Variants in SSBP2 observed in about 807,000 individuals in gnomAD.
SSBP2 encodes single stranded DNA binding protein 2.
A neutral mutation model predicts 61.8 loss-of-function variants in SSBP2; 17 were observed. That is an observed-to-expected ratio of 0.28 (90% CI 0.19 to 0.41). The LOEUF (loss-of-function observed/expected upper bound fraction) is 0.41. SSBP2 is among the 10% of genes least tolerant of loss of function. SSBP2 has a pLI of 1.00. For synonymous variants in SSBP2, 139 were observed against 141.3 expected (o/e 0.98, Z 0.12); for missense variants, 310 against 458.7 (o/e 0.68, Z 2.96).
intron 1 of SSBP2, among the ~76,000 whole-genome samples, chr5:81,691,273 A>G (rs1039843761): frequency 2.6e-5 from 4 of 152,122 alleles, no homozygotes; most frequent in African/African-American, 9.7e-5. Context: ...TCAATGAAAA[A>G]GTTGTTTTTT....
chr5:81,519,384 G>T (rs769639942), intron 4 of SSBP2, among the ~76,000 whole-genome samples: 7 of 151,868 alleles, frequency 4.6e-5, no homozygotes, highest in Admixed American at 3.3e-4. Context: ...ATTTATAAAG[G>T]TCCACTGTAG....
chr5:81,623,917 T>C (rs1746882647), intron 3 of SSBP2, among the ~76,000 whole-genome samples: 1 of 152,184 alleles, frequency 6.6e-6, no homozygotes, highest in Admixed American at 6.5e-5. Context: ...AGGTGGTGTT[T>C]CTGAGAATCC....
chr5:81,510,654 A>G (rs1768530369), intron 5 of SSBP2, among the ~76,000 whole-genome samples: 1 of 151,914 alleles, frequency 6.6e-6, no homozygotes, highest in Non-Finnish European at 1.5e-5. Context: ...CCAGCTACTC[A>G]GGAGGCTGTG....
intron 4 of SSBP2, among the ~76,000 whole-genome samples, chr5:81,518,249 G>A (rs1561493300): frequency 1.3e-5 from 2 of 152,132 alleles, no homozygotes; most frequent in Non-Finnish European, 2.9e-5. Context: ...GGAAGAGGCT[G>A]AGCAGGGGAT....
chr5:81,620,406 A>G (rs1202118222), intron 3 of SSBP2, among the ~76,000 whole-genome samples: 1 of 151,584 alleles, frequency 6.6e-6, no homozygotes, highest in East Asian at 1.9e-4. Flanking sequence ...AGGGATGTGA[A>G]GGACCTCTTC....
chr5:81,492,854 T>A (rs896886420), intron 5 of SSBP2, among the ~76,000 whole-genome samples: 12 of 152,300 alleles, frequency 7.9e-5, no homozygotes, highest in Middle Eastern at 3.4e-3. Context: ...AAGTCCCTTT[T>A]AAAATAAGGA....
At chr5:81,508,987 A>G (rs1042733409) in intron 5 of SSBP2, among the ~76,000 whole-genome samples, 7 of 152,226 alleles carry the variant, frequency 4.6e-5, no homozygotes, top group African/African-American at 1.4e-4. Context: ...TACTAAGAAT[A>G]TAAGTTTAAA....
chr5:81,709,568 C>G (rs1754631649), intron 1 of SSBP2, among the ~76,000 whole-genome samples: 1 of 151,430 alleles, frequency 6.6e-6, no homozygotes, highest in African/African-American at 2.4e-5. Context: ...AAAGTGTGAC[C>G]AAGAAGGAAA....
chr5:81,746,238 A>G (rs1030005260), intron 1 of SSBP2, among the ~76,000 whole-genome samples: 5 of 152,146 alleles, frequency 3.3e-5, no homozygotes, highest in Non-Finnish European at 7.4e-5. Flanking sequence ...TACTTCTGAA[A>G]TAACAGAAAA....
At chr5:81,445,178 G>A (rs6452408) in intron 12 of SSBP2, among the ~76,000 whole-genome samples, 49,541 of 58,676 alleles carry the variant, frequency 0.84, 20,693 homozygotes, top group Middle Eastern at 0.93. Flanking sequence ...ATATATATAT[G>A]TATGTATTTA....
Position 81,467,084 on chromosome 5 carries a change from AC to A in SSBP2, c.571-44del, listed in dbSNP as rs747161415. The A allele has an allele frequency of 6.4e-7, 1 of 1,562,786 alleles. No homozygotes were observed. The highest frequency in any genetic ancestry group is 1.2e-5 in the South Asian group (1 of 86,902). On this transcript the variant is annotated intron_variant, in intron 8 of 16. Coordinates refer to ENST00000320672, the MANE Select transcript of SSBP2 (RefSeq NM_012446.5). ...GGTCAGACTACCACAAAACAAAAAA[AC>A]AAAACCAAAGAGGAGGGGGGAAAGA...
At chr5:81,558,188 T>C (rs1256455740) in intron 4 of SSBP2, among the ~76,000 whole-genome samples, 1 of 152,240 alleles carries the variant, frequency 6.6e-6, no homozygotes, top group Non-Finnish European at 1.5e-5. Context: ...TCATACTTCA[T>C]TGAAATCACT....
At chr5:81,587,528 G>C (rs552316165) in intron 4 of SSBP2, among the ~76,000 whole-genome samples, 4 of 152,074 alleles carry the variant, frequency 2.6e-5, no homozygotes, top group African/African-American at 9.7e-5. Flanking sequence ...CCAGGAATTC[G>C]AGACCAACCT....
Position 81,540,119 on chromosome 5 carries a change from C to T in SSBP2, c.283-26402G>A, listed in dbSNP as rs569535241. On this transcript the variant is annotated intron_variant, in intron 4 of 16. Coordinates refer to ENST00000320672, the MANE Select transcript of SSBP2 (RefSeq NM_012446.5). ...AGTATTCCATGGTGTATATGTGCCA[C>T]ATTTTCTTTATCCAGTCTATCATTG... Among the ~76,000 whole-genome samples, 5 of 152,218 alleles carry T rather than the reference C, an allele frequency of 3.3e-5. No individual in the cohort carries two copies. The South Asian group carries it at 1.0e-3, about 32-fold the overall frequency.
At chr5:81,515,364 T>C (rs539484796) in intron 4 of SSBP2, among the ~76,000 whole-genome samples, 1 of 152,040 alleles carries the variant, frequency 6.6e-6, no homozygotes, top group South Asian at 2.1e-4. Flanking sequence ...GAAAATTGTA[T>C]AACAACAAAA....
At chr5:81,626,261 A>G (rs1016133859) in intron 3 of SSBP2, among the ~76,000 whole-genome samples, 7 of 152,238 alleles carry the variant, frequency 4.6e-5, no homozygotes, top group Admixed American at 3.3e-4. Context: ...ATCAATTTCT[A>G]TTTTAAAATA....
rs184183281 is a variant in SSBP2, at chr5:81,681,645, A to C, written c.63-31306T>G. 4.6e-5 allele frequency among the ~76,000 whole-genome samples: 7 copies of C among 152,200 alleles called. No individual in the cohort carries two copies. The East Asian group carries it at 1.3e-3, about 29-fold the overall frequency. ...AAAATAAGAAACTTTTTAAATCAAT[A>C]ATCTTAGCTTTCACCTTAGGAAACT... On this transcript the variant is annotated intron_variant, in intron 1 of 16. Transcript: ENST00000320672.
Position 81,650,273 on chromosome 5 carries a change from T to C in SSBP2, c.129A>G (p.Leu43=). The C allele has an allele frequency of 6.3e-7, 1 of 1,582,242 alleles. No individual in the cohort carries two copies. Among genetic ancestry groups the C allele is most frequent in the Non-Finnish European group, 8.6e-7 (1 of 1,162,094 alleles). ...GAAAATATATAAAACATACCTCTGA[T>C]AAAAATGTTTGAGCTGATTTCTGAG... The change falls in exon 2 of 17, where the codon TTA becomes TTG. Residue 43 remains leucine (L), a synonymous_variant. Transcript: ENST00000320672.
intron 5 of SSBP2, among the ~76,000 whole-genome samples, chr5:81,492,810 C>T (rs1580824321): frequency 6.6e-6 from 1 of 152,072 alleles, no homozygotes; most frequent in Non-Finnish European, 1.5e-5. Context: ...TTTTCTCAAC[C>T]TTAAAATGAG....
Sources: allele counts gnomAD v4.1 joint callset (sites outside exome capture counted in the v4.1 genomes callset), GRCh38; gene constraint gnomAD v4.1.1; transcripts MANE v1.5; gene names NCBI Gene and HGNC (gene_info 2026-07-23, HGNC 2026-07-21).